MTM1: variants seen among roughly 807,000 people sequenced by gnomAD.
The protein encoded by MTM1 is myotubularin.
MTM1 carries 9 observed loss-of-function variants against 52.1 expected under a neutral mutation model. The observed-to-expected ratio is 0.17, with a 90% CI of 0.10 to 0.30. The LOEUF (loss-of-function observed/expected upper bound fraction) is 0.30, where lower values mean the gene tolerates loss of function less well. Among genes scored for constraint, MTM1 ranks in the 10% least tolerant of loss-of-function variants. MTM1 has a pLI of 1.00. For synonymous variants in MTM1, 136 were observed against 163.8 expected (o/e 0.83, Z 1.29); for missense variants, 277 against 470.7 (o/e 0.59, Z 3.81).
intron 6 of MTM1, among the ~76,000 whole-genome samples, chrX:150,633,222 A>T (rs1274311442): frequency 2.7e-5 from 3 of 112,483 alleles, no homozygotes; most frequent in African/African-American, 9.7e-5. Context: ...GAAGACAATG[A>T]TGACACAGGA....
intron 2 of MTM1, among the ~76,000 whole-genome samples, chrX:150,593,586 G>C (rs1427047621): frequency 8.9e-6 from 1 of 111,877 alleles, no homozygotes; most frequent in Non-Finnish European, 1.9e-5. Context: ...CAGGTGGATA[G>C]AGATGCCTAA....
chrX:150,566,598 C>G (rs1370127243), upstream of MTM1, among the ~76,000 whole-genome samples: 2 of 110,928 alleles, frequency 1.8e-5, no homozygotes, highest in African/African-American at 3.3e-5. Context: ...TGAATTGCAT[C>G]TTTCTAGAGG....
chrX:150,598,094 A>G (rs782443380), intron 3 of MTM1, among the ~76,000 whole-genome samples: 1 of 111,617 alleles, frequency 9.0e-6, no homozygotes, highest in Non-Finnish European at 1.9e-5. Context: ...CTCAAAAACA[A>G]AAAAAGACAG....
chrX:150,580,796 C>T (rs1400118333), intron 1 of MTM1, among the ~76,000 whole-genome samples: 3 of 111,836 alleles, frequency 2.7e-5, no homozygotes, highest in Admixed American at 9.5e-5. Flanking sequence ...CCTTTGCATA[C>T]TCCTTCTCTA....
intron 5 of MTM1, 108 bp downstream of exon 5, chrX:150,614,807 T>C: frequency 2.0e-6 from 1 of 490,287 alleles, no homozygotes; most frequent in Non-Finnish European, 3.5e-6. Flanking sequence ...CTCATGTTCA[T>C]CTAAGGCCCT....
intron 1 of MTM1, among the ~76,000 whole-genome samples, chrX:150,570,530 C>G (rs782550430): frequency 1.8e-5 from 2 of 111,471 alleles, no homozygotes; most frequent in East Asian, 5.6e-4. Context: ...CCCCGACATG[C>G]AAACAGTAAG....
chrX:150,658,088 T>C, intron 11 of MTM1, 61 bp downstream of exon 11: 1 of 935,534 alleles, frequency 1.1e-6, no homozygotes, highest in Non-Finnish European at 1.5e-6. Context: ...TTAAAACTAG[T>C]TGTTAAATTA....
chrX:150,609,743 G>T (rs1025504281), intron 4 of MTM1, among the ~76,000 whole-genome samples: 1 of 111,595 alleles, frequency 9.0e-6, no homozygotes, highest in African/African-American at 3.3e-5. Flanking sequence ...CCAGTGGCTA[G>T]TCTCTTTTGC....
chrX:150,618,349 T>C (rs2039419810), intron 5 of MTM1, among the ~76,000 whole-genome samples: 1 of 111,870 alleles, frequency 8.9e-6, no homozygotes, highest in East Asian at 2.8e-4. Context: ...TAAAATAGTT[T>C]TATAATTAAA....
At chrX:150,592,699 ATCTG>A (rs781936947) in intron 2 of MTM1, 22 bp downstream of exon 2, 1 of 1,004,390 alleles carries the variant, frequency 1.0e-6, no homozygotes, top group Non-Finnish European at 1.4e-6. Context: ...TTTCAGATTT[ATCTG>A]TCTCTTTCCT....
At chrX:150,643,489 A>G (rs1225237139) in intron 8 of MTM1, among the ~76,000 whole-genome samples, 2 of 111,718 alleles carry the variant, frequency 1.8e-5, no homozygotes, top group Non-Finnish European at 3.8e-5. Flanking sequence ...CACTGTTGGT[A>G]TATATCCTTT....
chrX:150,585,293 C>T (rs1557412203), intron 1 of MTM1, among the ~76,000 whole-genome samples: 2 of 111,597 alleles, frequency 1.8e-5, no homozygotes. Flanking sequence ...TGCACATCCA[C>T]TCTAGAGTTC....
chrX:150,566,704 CCCCAGCTCCT>C (rs1485877247), upstream of MTM1, among the ~76,000 whole-genome samples: 8 of 110,983 alleles, frequency 7.2e-5, no homozygotes, highest in Middle Eastern at 4.6e-3. Flanking sequence ...ACCTCCTAAC[CCCCAGCTCCT>C]CCCAGCTCCA....
At chrX:150,671,314 A>G in intron 14 of MTM1, 114 bp from the exon 15 acceptor site, 1 of 864,262 alleles carries the variant, frequency 1.2e-6, no homozygotes, top group Non-Finnish European at 1.7e-6. Context: ...ATTATGGTAA[A>G]CTTTGAGTAA....
At chrX:150,609,602 A>C (rs1035647824) in intron 4 of MTM1, among the ~76,000 whole-genome samples, 2 of 111,440 alleles carry the variant, frequency 1.8e-5, no homozygotes, top group East Asian at 5.7e-4. Flanking sequence ...ATCTCAAACC[A>C]AGAGTTTCTA....
intron 14 of MTM1, among the ~76,000 whole-genome samples, chrX:150,664,072 T>G (rs1246277293): frequency 1.8e-5 from 2 of 112,216 alleles, no homozygotes; most frequent in African/African-American, 6.5e-5. Flanking sequence ...ATAATTACTC[T>G]GTCAATGGTA....
chrX:150,647,746 A>T (rs2039958594), intron 9 of MTM1, among the ~76,000 whole-genome samples: 1 of 111,697 alleles, frequency 9.0e-6, no homozygotes, highest in African/African-American at 3.3e-5. Flanking sequence ...TCCCTTACGG[A>T]TATTTAGAAA....
chrX:150,583,124 T>TTA (rs1569565304), intron 1 of MTM1, among the ~76,000 whole-genome samples: 26 of 81,844 alleles, frequency 3.2e-4, no homozygotes, highest in South Asian at 5.5e-4. Context: ...ATTATGTAAA[T>TTA]TATATATTAT....
At chrX:150,613,398 C>T (rs2039327068) in intron 4 of MTM1, among the ~76,000 whole-genome samples, 2 of 110,819 alleles carry the variant, frequency 1.8e-5, no homozygotes, top group African/African-American at 6.6e-5. Flanking sequence ...TTCCATGTAC[C>T]ATAATTATTT....
Sources: allele counts gnomAD v4.1 joint callset (sites outside exome capture counted in the v4.1 genomes callset), GRCh38; gene constraint gnomAD v4.1.1; transcripts MANE v1.5; gene names NCBI Gene and HGNC (gene_info 2026-07-23, HGNC 2026-07-21).